The following SYT16 variants were observed in gnomAD, a reference collection of about 807,000 sequenced individuals.
SYT16 encodes synaptotagmin 16.
SYT16 carries 42 observed loss-of-function variants against 61.4 expected under a neutral mutation model. The observed-to-expected ratio is 0.68, with a 90% CI of 0.53 to 0.89. SYT16 has a LOEUF of 0.89. Ranked by LOEUF, SYT16 falls within the 40% of genes least tolerant of loss-of-function variation. SYT16 has a pLI of 0.00. For synonymous variants in SYT16, 314 were observed against 302.3 expected (o/e 1.04, Z -0.40); for missense variants, 804 against 807.3 (o/e 1.00, Z 0.05).
At chr14:62,090,593 C>T (rs1255477112) in intron 7 of SYT16, among the ~76,000 whole-genome samples, 1 of 152,148 alleles carries the variant, frequency 6.6e-6, no homozygotes, top group East Asian at 1.9e-4. Context: ...ATGGCCATTT[C>T]ATATGAAAAT....
At chr14:62,018,773 C>T (rs142453034) in intron 3 of SYT16, among the ~76,000 whole-genome samples, 6 of 152,282 alleles carry the variant, frequency 3.9e-5, no homozygotes, top group African/African-American at 4.8e-5. Context: ...TGAATGTAAA[C>T]GGTACCTCCC....
At chr14:62,037,321 G>C (rs1383736361) in intron 3 of SYT16, among the ~76,000 whole-genome samples, 1 of 152,010 alleles carries the variant, frequency 6.6e-6, no homozygotes, top group Non-Finnish European at 1.5e-5. Context: ...TCTATCCTGT[G>C]TCTTAAATTT....
intron 1 of SYT16, among the ~76,000 whole-genome samples, chr14:61,817,312 G>T (rs1468803178): frequency 6.6e-6 from 1 of 151,778 alleles, no homozygotes; most frequent in Non-Finnish European, 1.5e-5. Flanking sequence ...CAGCTACTTG[G>T]GAGGCGGAGG....
intron 1 of SYT16, among the ~76,000 whole-genome samples, chr14:61,832,970 A>G (rs1246563681): frequency 6.6e-6 from 1 of 152,038 alleles, no homozygotes; most frequent in African/African-American, 2.4e-5. Flanking sequence ...TAAGGTGTCA[A>G]TTTTCAGGTC....
Position 62,056,708 on chromosome 14 carries a change from A to G in SYT16, c.524-12895A>G, listed in dbSNP as rs543900949. Among the ~76,000 whole-genome samples, 30 of 152,258 alleles carry G rather than the reference A, an allele frequency of 2.0e-4. 1 individual carries two copies. Among genetic ancestry groups the G allele is most frequent in the African/African-American group, 5.8e-4 (24 of 41,554 alleles). ...TGGAGGTTAGGACTGGGAAAAACAC[A>G]TCAAGTCTTCACCAAATACCCATTC... On this transcript the variant is annotated intron_variant, in intron 3 of 7. Coordinates refer to ENST00000683842, the MANE Select transcript of SYT16 (RefSeq NM_001367656.1).
At chr14:61,836,430 T>C (rs1475909101) in intron 1 of SYT16, among the ~76,000 whole-genome samples, 1 of 152,188 alleles carries the variant, frequency 6.6e-6, no homozygotes, top group East Asian at 1.9e-4. Flanking sequence ...AACCAATTGA[T>C]GGTTTGGAGG....
At chr14:61,843,878 G>A (rs79493086) in intron 1 of SYT16, among the ~76,000 whole-genome samples, 1 of 152,018 alleles carries the variant, frequency 6.6e-6, no homozygotes, top group African/African-American at 2.4e-5. Context: ...GATCATTTTG[G>A]CTATTCTGGG....
chr14:62,000,391 C>G (rs573988990), intron 3 of SYT16, among the ~76,000 whole-genome samples: 2 of 151,648 alleles, frequency 1.3e-5, no homozygotes, highest in Non-Finnish European at 2.9e-5. Flanking sequence ...CTCCAACTTT[C>G]TTTTGATTAG....
chr14:61,876,803 G>A (rs2047513605), intron 1 of SYT16, among the ~76,000 whole-genome samples: 1 of 152,188 alleles, frequency 6.6e-6, no homozygotes, highest in South Asian at 2.1e-4. Flanking sequence ...TAGGAAGCAG[G>A]GGCTGAGCCG....
chr14:62,064,992 G>C (rs1031853414), intron 3 of SYT16, among the ~76,000 whole-genome samples: 1 of 152,198 alleles, frequency 6.6e-6, no homozygotes. Context: ...TCCTTGGGGA[G>C]TGAGGCTTAG....
At chr14:62,072,337 T>A (rs745721381) in intron 4 of SYT16, among the ~76,000 whole-genome samples, 2 of 152,198 alleles carry the variant, frequency 1.3e-5, no homozygotes, top group Admixed American at 1.3e-4. Context: ...CATGCATATA[T>A]GTACATACAA....
In SYT16 at chr14:61,863,619, A is replaced by G. The variant is rs1376028107; in HGVS notation, c.-325+50809A>G. Among the ~76,000 whole-genome samples, 4 of 152,344 alleles carry G rather than the reference A, an allele frequency of 2.6e-5. No individual in the cohort carries two copies. The South Asian group carries it at 6.2e-4, about 24-fold the overall frequency. On this transcript the variant is annotated intron_variant, in intron 1 of 7. Transcript: ENST00000683842. The stretch of plus-strand genomic sequence containing the variant: ...AGAGCGGAAAGATTTAATTTTAATA[A>G]AGTCCAACTTATCAATTCTTTCTTT...
intron 7 of SYT16, among the ~76,000 whole-genome samples, chr14:62,097,672 T>C (rs914543902): frequency 6.6e-6 from 1 of 152,222 alleles, no homozygotes; most frequent in African/African-American, 2.4e-5. Context: ...GCTTTTAAGA[T>C]TATTATTATT....
chr14:62,029,738 G>T (rs2054240695), intron 3 of SYT16, among the ~76,000 whole-genome samples: 2 of 151,792 alleles, frequency 1.3e-5, no homozygotes, highest in African/African-American at 4.8e-5. Context: ...CAATAGTTCT[G>T]TCGCTCACCC....
intron 1 of SYT16, among the ~76,000 whole-genome samples, chr14:61,908,678 G>A (rs1407688803): frequency 6.6e-6 from 1 of 152,150 alleles, no homozygotes; most frequent in Non-Finnish European, 1.5e-5. Context: ...GTGCCTTCAG[G>A]TCATGAACAT....
intron 2 of SYT16, among the ~76,000 whole-genome samples, chr14:61,993,746 A>C (rs1008348465): frequency 6.6e-6 from 1 of 152,210 alleles, no homozygotes; most frequent in Non-Finnish European, 1.5e-5. Context: ...TTATGTGATA[A>C]CATTGTTTAA....
intron 7 of SYT16, among the ~76,000 whole-genome samples, chr14:62,089,815 G>A (rs563446642): frequency 1.7e-3 from 266 of 152,340 alleles, no homozygotes; most frequent in African/African-American, 6.1e-3. Flanking sequence ...TGGTCCAGAT[G>A]AAAAAGCAGT....
chr14:61,813,176 C>T (rs958429764), intron 1 of SYT16, among the ~76,000 whole-genome samples: 1 of 152,248 alleles, frequency 6.6e-6, no homozygotes, highest in Non-Finnish European at 1.5e-5. Context: ...GTTCAAGGTT[C>T]GCCTCGAGTT....
Position 61,842,789 on chromosome 14 carries a change from C to T in SYT16, c.-325+29979C>T, listed in dbSNP as rs550627592. On this transcript the variant is annotated intron_variant, in intron 1 of 7. Transcript: ENST00000683842. ...GGGGACTGTTAGGGGGTGGGGGGAG[C>T]GGGGAGGGATAGCATTAGGAGATAT... is the stretch of plus-strand genomic sequence containing the variant. Among the ~76,000 whole-genome samples the T allele has an allele frequency of 9.8e-5, 14 of 143,004 alleles. No homozygotes were observed. The South Asian group carries it at 2.4e-3, about 24-fold the overall frequency. The allele number at this position is 143,004 out of a possible 152,430, so 93.8% of individuals were successfully genotyped here. A position where few individuals can be genotyped will look rare whatever the true frequency, so the allele number is the denominator to read the frequency against.
Sources: allele counts gnomAD v4.1 joint callset (sites outside exome capture counted in the v4.1 genomes callset), GRCh38; gene constraint gnomAD v4.1.1; transcripts MANE v1.5; gene names NCBI Gene and HGNC (gene_info 2026-07-23, HGNC 2026-07-21).